Variants in UGP2 observed in about 807,000 individuals in gnomAD.
UGP2 encodes the protein UDP-glucose pyrophosphorylase 2.
Under a neutral mutation model 49.0 loss-of-function variants are expected in UGP2, and 40 were observed. The ratio of observed to expected loss-of-function variants is 0.82; its 90% CI spans 0.63 to 1.06. UGP2 has a LOEUF of 1.06. Among genes scored for constraint, UGP2 ranks in the 50% least tolerant of loss-of-function variants. UGP2 has a pLI of 0.00. For synonymous variants in UGP2, 225 were observed against 213.0 expected, an observed-to-expected ratio of 1.06 and a Z score of -0.49; for missense variants, 460 against 603.5, an observed-to-expected ratio of 0.76 and a Z score of 2.49.
chr2:63,854,678 T>C (rs1039516241), intron 1 of UGP2, among the ~76,000 whole-genome samples: 5 of 152,232 alleles, frequency 3.3e-5, no homozygotes, highest in Admixed American at 2.6e-4. Flanking sequence ...CCTGATTCTT[T>C]AATCACTAAA....
At chr2:63,854,397 TC>T (rs1313645013) in intron 1 of UGP2, among the ~76,000 whole-genome samples, 1 of 152,210 alleles carries the variant, frequency 6.6e-6, no homozygotes, top group Non-Finnish European at 1.5e-5. Flanking sequence ...TAGTTGACCT[TC>T]CTTTAGAAAC....
rs540843599 is a variant in UGP2, at chr2:63,887,712, T to A, written c.1314+68T>A. 8.6e-5 allele frequency: 135 copies of A among 1,572,296 alleles called. 1 individual carries two copies. In the African/African-American group the frequency reaches 1.8e-3, roughly 20 times the overall value. ...TGTAATTATAAAGATATGATATACA[T>A]GTGAATTGGAGACTAATTACAGTCT... On this transcript the variant is annotated intron_variant, in intron 8 of 9. Coordinates refer to ENST00000337130, the MANE Select transcript of UGP2 (RefSeq NM_006759.4).
intron 1 of UGP2, among the ~76,000 whole-genome samples, chr2:63,843,279 T>C (rs574544560): frequency 6.4e-4 from 97 of 152,376 alleles, no homozygotes; most frequent in Non-Finnish European, 1.3e-3. Context: ...AACGCTATGC[T>C]TGCCTTTAGC....
chr2:63,854,746 T>G (rs1470231009), intron 1 of UGP2: 2 of 152,372 alleles, frequency 1.3e-5, no homozygotes, highest in East Asian at 1.9e-4. Flanking sequence ...TTCTTTTGTT[T>G]AAGCCGATTA....
chr2:63,861,860 T>C (rs1396057376), intron 3 of UGP2, among the ~76,000 whole-genome samples: 2 of 152,032 alleles, frequency 1.3e-5, no homozygotes, highest in African/African-American at 2.4e-5. Flanking sequence ...GGATTTTTTG[T>C]TTTGTTCCAT....
chr2:63,891,088 A>AAGTACACTCTTTTG (rs1051511677), intron 9 of UGP2, 32 bp from the exon 10 acceptor site: 2 of 1,578,516 alleles, frequency 1.3e-6, no homozygotes, highest in Non-Finnish European at 1.7e-6. Context: ...TTTCAGTTGC[A>AAGTACACTCTTTTG]AGTACACTCT....
At chr2:63,850,631 C>T (rs563314622) in intron 1 of UGP2, among the ~76,000 whole-genome samples, 52 of 152,268 alleles carry the variant, frequency 3.4e-4, no homozygotes, top group Non-Finnish European at 5.7e-4. Flanking sequence ...ATTTAGTAGT[C>T]ATTTGTCTAG....
chr2:63,849,965 T>G (rs535909514), intron 1 of UGP2, among the ~76,000 whole-genome samples: 2 of 152,370 alleles, frequency 1.3e-5, no homozygotes, highest in Middle Eastern at 3.4e-3. Flanking sequence ...TGATTTTATG[T>G]TATACCTCTT....
chr2:63,865,224 G>A (rs1365955928), intron 3 of UGP2, among the ~76,000 whole-genome samples: 1 of 152,154 alleles, frequency 6.6e-6, no homozygotes, highest in Non-Finnish European at 1.5e-5. Flanking sequence ...GGACCATACA[G>A]TGTTTCCCAA....
chr2:63,859,872 C>G (rs929763902), intron 3 of UGP2, among the ~76,000 whole-genome samples: 1 of 152,162 alleles, frequency 6.6e-6, no homozygotes, highest in Non-Finnish European at 1.5e-5. Context: ...AATAAGTTTG[C>G]TCTTCAACTA....
intron 3 of UGP2, among the ~76,000 whole-genome samples, chr2:63,860,762 AT>A (rs556819048): frequency 8.2e-4 from 102 of 123,682 alleles, no homozygotes; most frequent in Middle Eastern, 4.2e-3. Context: ...GGCCCAGCTA[AT>A]TTTTTTTTTT....
intron 1 of UGP2, 189 bp downstream of exon 1, chr2:63,842,393 T>G: frequency 6.3e-7 from 1 of 1,594,706 alleles, no homozygotes; most frequent in African/African-American, 1.3e-5. Context: ...GTATAATTTA[T>G]GCTCCTGTAC....
chr2:63,869,457 T>C lies in UGP2; in HGVS notation c.255+11521T>C, dbSNP rs59321581. 9.7e-3 allele frequency among the ~76,000 whole-genome samples: 1,473 copies of C among 152,332 alleles called. 21 individuals carry two copies. Among genetic ancestry groups the C allele is most frequent in the African/African-American group, 0.034 (1,428 of 41,562 alleles). On this transcript the variant is annotated intron_variant, in intron 3 of 9. Transcript: ENST00000337130. ...GTTGTATTAACTGCTGTTTGAAACA[T>C]TTAATAGAGAACTAACCTTTTATTT...
chr2:63,847,552 C>G (rs374085292), intron 1 of UGP2, among the ~76,000 whole-genome samples: 1 of 151,818 alleles, frequency 6.6e-6, no homozygotes, highest in African/African-American at 2.4e-5. Context: ...GGGCTGAGTC[C>G]GAAAAGAGAG....
At position 63,842,344 on chromosome 2, in the gene UGP2, C is replaced by T. The variant is rs1309593962; in HGVS notation, c.19+140C>T. On this transcript the variant is annotated intron_variant, in intron 1 of 9. Transcript: ENST00000337130. ...GAAACCCTTTTCGTTGAATTGTCAT[C>T]TGAGCTGCCTTGAGCTGCTGGGTTG... 4 of 1,603,166 alleles carry T rather than the reference C, an allele frequency of 2.5e-6. No homozygotes were observed. The South Asian group carries it at 3.3e-5, about 13-fold the overall frequency.
At chr2:63,889,805 GTTGA>G (rs958529455) in intron 8 of UGP2, 2 of 256,684 alleles carry the variant, frequency 7.8e-6, no homozygotes, top group African/African-American at 2.3e-5. Context: ...CTCTTGGCAT[GTTGA>G]TTATCTTTAA....
chr2:63,885,430 TGAGA>T (rs1190213180), intron 5 of UGP2, among the ~76,000 whole-genome samples, 155 bp from the exon 6 acceptor site: 2 of 152,200 alleles, frequency 1.3e-5, no homozygotes, highest in Non-Finnish European at 2.9e-5. Flanking sequence ...ACACAGATAC[TGAGA>T]GATTTTCTTA....
chr2:63,885,732 T>C lies in UGP2; in HGVS notation c.719T>C (p.Ile240Thr), dbSNP rs1671628405. 4 of 1,614,034 alleles carry C rather than the reference T, an allele frequency of 2.5e-6. No individual in the cohort carries two copies. Among genetic ancestry groups the C allele is most frequent in the Non-Finnish European group, 3.4e-6 (4 of 1,179,956 alleles). The part of the protein sequence containing the change: ...FYNSGLLDTF[I>T]GEGKEYIFVS... ...AACTCTGGATTGCTTGATACCTTTATAGGAGAAGGCAAAGAGTATATTTTT... is the reference window on the plus strand; with the variant it reads ...AACTCTGGATTGCTTGATACCTTTACAGGAGAAGGCAAAGAGTATATTTTT... The change falls in exon 6 of 10, where the codon ATA (isoleucine) becomes ACA (threonine). Residue 240 changes from isoleucine to threonine, a missense_variant. Physicochemically the swap from Ile to Thr is moderately conservative, Grantham distance 89 (BLOSUM62 -1). Around this residue, in one of 2 missense-constraint regions of UGP2, gnomAD observed 317 missense variants for 473.0 expected, o/e 0.67. Transcript: ENST00000337130.
intron 3 of UGP2, chr2:63,862,994 C>G (rs1349157202): frequency 8.0e-6 from 3 of 376,148 alleles, no homozygotes; most frequent in African/African-American, 4.3e-5. Flanking sequence ...CTACCTTTGT[C>G]CTTTCTAATC....
Sources: gnomAD v4.1 joint callset for allele counts (sites outside exome capture counted in the v4.1 genomes callset) on GRCh38, gnomAD v4.1.1 for gene constraint, gnomAD v4.1.1 regional missense constraint, MANE v1.5 for transcripts, NCBI Gene and HGNC (gene_info 2026-07-23, HGNC 2026-07-21) for gene names.